Variants in SLC6A16 observed in about 807,000 individuals in gnomAD.
SLC6A16 encodes the protein solute carrier family 6 member 16, also known as orphan sodium- and chloride-dependent neurotransmitter transporter NTT5.
SLC6A16 carries 54 observed loss-of-function variants against 65.4 expected under a neutral mutation model. The ratio of observed to expected loss-of-function variants is 0.83; its 90% confidence interval spans 0.66 to 1.04. SLC6A16 has a LOEUF of 1.04. SLC6A16 is among the 50% of genes least tolerant of loss of function. The pLI is 0.00. For missense variants in SLC6A16, 816 were observed against 914.0 expected, an observed-to-expected ratio of 0.89 and a Z score of 1.38; for synonymous variants, 330 against 346.5, an observed-to-expected ratio of 0.95 and a Z score of 0.53.
chr19:49,290,100 T>C lies in SLC6A16; in HGVS notation c.*23A>G. On this transcript the variant is annotated 3_prime_UTR_variant, in exon 12 of 12. Coordinates refer to ENST00000335875, the MANE Select transcript of SLC6A16 (RefSeq NM_014037.3). Reference sequence around the variant, plus strand: ...ATTGGATCTGTTCTAAGGGATATGTTATGTGAAGCCAAATTAATGAAGTTA... The same window carrying C: ...ATTGGATCTGTTCTAAGGGATATGTCATGTGAAGCCAAATTAATGAAGTTA... 1 of 1,609,180 alleles carries C rather than the reference T, an allele frequency of 6.2e-7. No homozygotes were observed. The highest frequency in any genetic ancestry group is 1.1e-5 in the South Asian group (1 of 90,508).
intron 1 of SLC6A16, among the ~76,000 whole-genome samples, chr19:49,319,343 T>C (rs146700992): frequency 1.3e-5 from 2 of 151,966 alleles, no homozygotes; most frequent in Non-Finnish European, 2.9e-5. Context: ...TACAATGAGA[T>C]GAACCTGCTG....
upstream of SLC6A16, among the ~76,000 whole-genome samples, chr19:49,329,540 T>C (rs929004863): frequency 2.0e-5 from 3 of 151,808 alleles, no homozygotes; most frequent in Non-Finnish European, 1.5e-5. Context: ...CCCAGCACTT[T>C]GCAAGGGCGA....
chr19:49,319,552 A>T (rs1970676086), intron 1 of SLC6A16, among the ~76,000 whole-genome samples: 2 of 151,280 alleles, frequency 1.3e-5, no homozygotes, highest in Non-Finnish European at 2.9e-5. Flanking sequence ...ATATACATAT[A>T]CATATATATA....
At chr19:49,330,226 T>C in the SLC6A16 span, among the ~76,000 whole-genome samples, 1 of 152,152 alleles carries the variant, frequency 6.6e-6, no homozygotes, top group Non-Finnish European at 1.5e-5. Context: ...AATCAATAGT[T>C]TCGTTTTGGG....
At position 49,309,333 on chromosome 19, in the gene SLC6A16, T is replaced by C. The variant is rs551058122; in HGVS notation, c.955A>G (p.Lys319Glu). 8.7e-6 allele frequency: 14 copies of C among 1,614,106 alleles called. No homozygotes were observed. In the East Asian group the frequency reaches 1.3e-4, roughly 15 times the overall value. Residue 319 changes from lysine (K) to glutamate (E), a missense_variant, in exon 6 of 12, where the codon AAA becomes GAA. By Grantham distance (56) the Lys-to-Glu change is moderately conservative. Transcript: ENST00000335875. Reference protein sequence around the residue: ...FIRTLLLEGAKFGLQQLVVAK... With the variant: ...FIRTLLLEGAEFGLQQLVVAK... Reference sequence around the variant, plus strand: ...ACCACCAACTGTTGAAGGCCAAATTTTGCCCCTTCCAGGAGTAGAGTCCGG... The same window carrying C: ...ACCACCAACTGTTGAAGGCCAAATTCTGCCCCTTCCAGGAGTAGAGTCCGG...
chr19:49,330,424 A>C, the SLC6A16 span, among the ~76,000 whole-genome samples: 1 of 152,150 alleles, frequency 6.6e-6, no homozygotes, highest in Non-Finnish European at 1.5e-5. Context: ...GCATGATATC[A>C]TCTCGTGAGT....
At chr19:49,329,287 CTA>C (rs1172767335), upstream of SLC6A16, among the ~76,000 whole-genome samples, 2 of 152,016 alleles carry the variant, frequency 1.3e-5, no homozygotes, top group Non-Finnish European at 2.9e-5. Flanking sequence ...CGGGGTTTCA[CTA>C]TGTTGGTCAG....
intron 7 of SLC6A16, among the ~76,000 whole-genome samples, chr19:49,304,760 A>C (rs967805339): frequency 4.6e-5 from 7 of 152,236 alleles, no homozygotes; most frequent in Non-Finnish European, 7.3e-5. Flanking sequence ...ATGACTACAT[A>C]TCCAGAACAT....
chr19:49,293,147 C>T (rs1600605025), intron 10 of SLC6A16, 76 bp downstream of exon 10: 3 of 1,423,570 alleles, frequency 2.1e-6, no homozygotes, highest in Non-Finnish European at 9.7e-7. Flanking sequence ...GGTGGGTTGA[C>T]AGTAGAGGCA....
Position 49,292,513 on chromosome 19 carries a change from T to C in SLC6A16, c.1778+710A>G, listed in dbSNP as rs1315607481. On this transcript the variant is annotated intron_variant, in intron 10 of 11. Transcript: ENST00000335875. The surrounding 1 kb of genome is among the most constrained non-coding windows in gnomAD (Gnocchi z 4.3). ...ATAATGGCACTCCCACCTGAAAATGTCATTCTCCTACTCAAAACCCTCCAA... is the reference window on the plus strand; with the variant it reads ...ATAATGGCACTCCCACCTGAAAATGCCATTCTCCTACTCAAAACCCTCCAA... Among the ~76,000 whole-genome samples, 1 of 152,208 alleles carries C rather than the reference T, an allele frequency of 6.6e-6. No homozygotes were observed. The highest frequency in any genetic ancestry group is 1.9e-4 in the East Asian group (1 of 5,200).
At chr19:49,319,379 C>T (rs865835629) in intron 1 of SLC6A16, among the ~76,000 whole-genome samples, 2 of 151,566 alleles carry the variant, frequency 1.3e-5, no homozygotes, top group Non-Finnish European at 2.9e-5. Context: ...CTCTTCTTTA[C>T]TCCTCCCTAA....
At chr19:49,336,888 C>A in the SLC6A16 span, 1 of 1,612,952 alleles carries the variant, frequency 6.2e-7, no homozygotes, top group South Asian at 1.1e-5. Flanking sequence ...AGCTCATCAT[C>A]ACTCCCCTCA....
At position 49,294,493 on chromosome 19, in the gene SLC6A16, G is replaced by A; in HGVS notation, c.1290C>T (p.Pro430=). The A allele has an allele frequency of 3.1e-6, 5 of 1,613,982 alleles. No individual in the cohort carries two copies. The Admixed American group carries it at 6.7e-5, about 22-fold the overall frequency. Residue 430 remains proline (P), a synonymous_variant, in exon 8 of 12, where the codon CCC becomes CCT. Transcript: ENST00000335875. ...TTGGGTTGTAAAGCAGGTTGACAGG[G>A]GGCTTGGCATCAGGAGGCAGTTTCC... is the stretch of plus-strand genomic sequence containing the variant. The part of the protein sequence containing the change: ...NLGKLPPDAK[P]PVNLLYNPTS...
At chr19:49,334,158 G>A in the SLC6A16 span, among the ~76,000 whole-genome samples, 1 of 152,234 alleles carries the variant, frequency 6.6e-6, no homozygotes, top group Non-Finnish European at 1.5e-5. Flanking sequence ...ACTCTGAGAG[G>A]CACAAAAACA....
the SLC6A16 span, chr19:49,339,828 C>G: frequency 7.5e-7 from 1 of 1,339,496 alleles, no homozygotes. This position sits in a 1 kb window ranked among gnomAD's most constrained non-coding sequence, Gnocchi z 4.5. Flanking sequence ...CGGGTGCCTG[C>G]CCCAACTGGG....
chr19:49,301,896 C>A (rs1366736299), intron 7 of SLC6A16, among the ~76,000 whole-genome samples: 1 of 152,208 alleles, frequency 6.6e-6, no homozygotes, highest in Non-Finnish European at 1.5e-5. Context: ...AGCTACCATG[C>A]ATGTGCCTGC....
chr19:49,330,268 C>G, the SLC6A16 span, among the ~76,000 whole-genome samples: 1 of 152,110 alleles, frequency 6.6e-6, no homozygotes, highest in African/African-American at 2.4e-5. Flanking sequence ...ATTATACAGC[C>G]AAAGGCAGAG....
rs777986453 is a variant in SLC6A16 at position 49,308,985 on chromosome 19, C to T, written c.1120G>A (p.Ala374Thr). ...MPQSNNCLSD[A>T]FLVSVINLLT... The stretch of plus-strand genomic sequence containing the variant: ...AGGTTTATCACAGACACGAGAAAGG[C>T]ATCACTGAGACAGTTGTTGGACTGG... Residue 374 changes from alanine to threonine, a missense_variant, in exon 7 of 12, where the codon GCC (alanine) becomes ACC (threonine). Physicochemically the swap from Ala to Thr is moderately conservative, Grantham distance 58 (BLOSUM62 0). Coordinates refer to ENST00000335875, the MANE Select transcript of SLC6A16 (RefSeq NM_014037.3). 6.2e-7 allele frequency: 1 copy of T among 1,614,192 alleles called. No homozygotes were observed. Among genetic ancestry groups the T allele is most frequent in the Non-Finnish European group, 8.5e-7 (1 of 1,180,034 alleles).
In SLC6A16 at chr19:49,289,657, CT is replaced by C. The variant is rs1970037347; in HGVS notation, c.*465del. 1 of 168,054 alleles carries C rather than the reference CT, an allele frequency of 6.0e-6. No individual in the cohort carries two copies. The highest frequency in any genetic ancestry group is 1.3e-5 in the Non-Finnish European group (1 of 79,888). The allele number at this position is 168,054 out of a possible 1,614,324, so 10.4% of individuals were successfully genotyped here. A position where few individuals can be genotyped will look rare whatever the true frequency, so the allele number is the denominator to read the frequency against. On this transcript the variant is annotated 3_prime_UTR_variant, in exon 12 of 12. Coordinates refer to ENST00000335875, the MANE Select transcript of SLC6A16 (RefSeq NM_014037.3). ...TTTTTGTTCCCAGTTTCAGGTATGT[CT>C]TTATTAGCAGTGTGAAAATGAACTA...
Sources: allele counts gnomAD v4.1 joint callset (sites outside exome capture counted in the v4.1 genomes callset), GRCh38; gene constraint gnomAD v4.1.1; non-coding constraint Gnocchi (gnomAD v3.1); transcripts MANE v1.5; gene names NCBI Gene and HGNC (gene_info 2026-07-23, HGNC 2026-07-21).